TWIST1: variants seen among roughly 807,000 people sequenced by gnomAD.
TWIST1 encodes the protein twist family bHLH transcription factor 1, also known as twist-related protein 1.
Under a neutral mutation model 12.9 loss-of-function variants are expected in TWIST1, and 8 were observed. That is an observed-to-expected ratio of 0.62 (90% CI 0.37 to 1.12). The LOEUF (loss-of-function observed/expected upper bound fraction) is 1.12, where lower values mean the gene tolerates loss of function less well. Among genes scored for constraint, TWIST1 ranks in the 50% most tolerant of loss-of-function variants. TWIST1 has a pLI of 0.02. For synonymous variants in TWIST1, 169 were observed against 138.7 expected, an observed-to-expected ratio of 1.22 and a Z score of -1.54; for missense variants, 268 against 299.7, an observed-to-expected ratio of 0.89 and a Z score of 0.78.
chr7:19,116,372 G>C lies in TWIST1; in HGVS notation c.*43-241C>G, dbSNP rs983187688. On this transcript the variant is annotated intron_variant, in intron 1 of 1. Transcript: ENST00000242261. Reference sequence around the variant, plus strand: ...ATTGAAAGCCGAAAGAAAGGGTGGCGCTGACAAAACGGTCCTTACCCGTGA... The same window carrying C: ...ATTGAAAGCCGAAAGAAAGGGTGGCCCTGACAAAACGGTCCTTACCCGTGA... Among the ~76,000 whole-genome samples, 3 of 152,194 alleles carry C rather than the reference G, an allele frequency of 2.0e-5. No homozygotes were observed. In the South Asian group the frequency reaches 6.2e-4, roughly 32 times the overall value.
In TWIST1 at chr7:19,117,273, G is replaced by A; in HGVS notation, c.49C>T (p.Leu17=). The A allele has an allele frequency of 8.8e-6, 13 of 1,475,270 alleles. No individual in the cohort carries two copies. The highest frequency in any genetic ancestry group is 1.2e-5 in the Non-Finnish European group (13 of 1,117,044). 91.4% of individuals were successfully genotyped at this position (1,475,270 alleles called of 1,614,324 possible). A position where few individuals can be genotyped will look rare whatever the true frequency, so the allele number is the denominator to read the frequency against. The change falls in exon 1 of 2, where the codon CTG becomes TTG. Residue 17 remains leucine (L), a synonymous_variant. Transcript: ENST00000242261. The part of the protein sequence containing the change: ...SSPVSPADDS[L]SNSEEEPDRQ... ...TCTGGCTCTTCCTCGCTGTTGCTCA[G>A]GCTGTCGTCGGCCGGCGAGACTGGC...
At position 19,117,036 on chromosome 7, in the gene TWIST1, C is replaced by T. The variant is rs771482968; in HGVS notation, c.286G>A (p.Gly96Ser). The T allele has an allele frequency of 6.1e-6, 9 of 1,477,344 alleles. No homozygotes were observed. The South Asian group carries it at 8.3e-5, about 14-fold the overall frequency. The allele number at this position is 1,477,344 out of a possible 1,614,324, so 91.5% of individuals were successfully genotyped here. Reference protein sequence around the residue: ...GAGGGGGSSSGGGSPQSYEEL... With the variant: ...GAGGGGGSSSSGGSPQSYEEL... ...TCGTAAGACTGCGGACTCCCGCCGC[C>T]GCTGCTGCTGCCGCCGCCGCCGCCC... The change falls in exon 1 of 2, where the codon GGC (glycine) becomes AGC (serine). Residue 96 changes from glycine to serine, a missense_variant. Physicochemically the swap from Gly to Ser is moderately conservative, Grantham distance 56. Transcript: ENST00000242261.
Position 19,117,115 on chromosome 7 carries a change from C to A in TWIST1, c.207G>T (p.Pro69=), listed in dbSNP as rs770204083. The A allele has an allele frequency of 8.5e-7, 1 of 1,176,360 alleles. No homozygotes were observed. The allele number at this position is 1,176,360 out of a possible 1,614,324, so 72.9% of individuals were successfully genotyped here. A position where few individuals can be genotyped will look rare whatever the true frequency, so the allele number is the denominator to read the frequency against. ...ACTTCTTGCCGCGCTTGCCCTGGGC[C>A]GGGCTGCCCGGCTCGTCGCCGCCTC... ...GVGGGDEPGS[P]AQGKRGKKSA... Residue 69 remains proline (P), a synonymous_variant, in exon 1 of 2, where the codon CCG becomes CCT. Coordinates refer to ENST00000242261, the MANE Select transcript of TWIST1 (RefSeq NM_000474.4).
At chr7:19,114,323 A>G (rs550021426), downstream of TWIST1, 7 of 152,346 alleles carry the variant, frequency 4.6e-5, no homozygotes, top group African/African-American at 1.7e-4. Context: ...AGAAGAAAAC[A>G]AAAACCTTCA....
chr7:19,116,962 G>T lies in TWIST1; in HGVS notation c.360C>A (p.Arg120=), dbSNP rs1319125919. 6.2e-7 allele frequency: 1 copy of T among 1,613,396 alleles called. No homozygotes were observed. Among genetic ancestry groups the T allele is most frequent in the Non-Finnish European group, 8.5e-7 (1 of 1,179,894 alleles). ...RVMANVRERQ[R]TQSLNEAFAA... is the part of the protein sequence containing the mutation. ...CGAACGCCTCGTTCAGCGACTGGGT[G>T]CGCTGGCGCTCCCGCACGTTGGCCA... The change falls in exon 1 of 2, where the codon CGC becomes CGA. Residue 120 remains arginine, a synonymous_variant. Transcript: ENST00000242261.
At chr7:19,115,074 T>G (rs1438417182), downstream of TWIST1, among the ~76,000 whole-genome samples, 1 of 152,172 alleles carries the variant, frequency 6.6e-6, no homozygotes, top group Non-Finnish European at 1.5e-5. Flanking sequence ...AACCTGTTAT[T>G]TAGGAATCTT....
rs1788552052 is a variant in TWIST1 at position 19,115,811 on chromosome 7, C to T, written c.*363G>A. On this transcript the variant is annotated 3_prime_UTR_variant, in exon 2 of 2. Coordinates refer to ENST00000242261, the MANE Select transcript of TWIST1 (RefSeq NM_000474.4). ...CCTTTCAGTGGCTGATTGGCACGAC[C>T]TCTTGAGAATGCATGCATGAAAAAA... 1 of 149,486 alleles carries T rather than the reference C, an allele frequency of 6.7e-6. No individual in the cohort carries two copies. The highest frequency in any genetic ancestry group is 2.1e-4 in the South Asian group (1 of 4,724). 9.3% of individuals were successfully genotyped at this position (149,486 alleles called of 1,614,324 possible).
chr7:19,117,369 G>A lies in TWIST1; in HGVS notation c.-48C>T, dbSNP rs1404809509. On this transcript the variant is annotated 5_prime_UTR_variant, in exon 1 of 2. Transcript: ENST00000242261. ...CTCGCGGGCCCGGGGCAGAGGAGAA[G>A]AGCGGGGCGCCTCAGCCCGCCAGCT... 4 of 1,382,582 alleles carry A rather than the reference G, an allele frequency of 2.9e-6. No homozygotes were observed. The highest frequency in any genetic ancestry group is 2.7e-5 in the Admixed American group (1 of 37,478). 85.6% of individuals were successfully genotyped at this position (1,382,582 alleles called of 1,614,324 possible).
At position 19,117,136 on chromosome 7, in the gene TWIST1, G is replaced by A. The variant is rs1330674991; in HGVS notation, c.186C>T (p.Gly62=). Residue 62 remains glycine, a synonymous_variant, in exon 1 of 2, where the codon GGC becomes GGT. Coordinates refer to ENST00000242261, the MANE Select transcript of TWIST1 (RefSeq NM_000474.4). ...GGGCCGGGCTGCCCGGCTCGTCGCC[G>A]CCTCCGACGCCCCCACCCGCGGCTC... ...PGGAAGGGVG[G]GDEPGSPAQG... 1.8e-6 allele frequency: 2 copies of A among 1,096,752 alleles called. No homozygotes were observed. The highest frequency in any genetic ancestry group is 2.2e-6 in the Non-Finnish European group (2 of 902,440). The allele number at this position is 1,096,752 out of a possible 1,614,324, so 67.9% of individuals were successfully genotyped here. A position where few individuals can be genotyped will look rare whatever the true frequency, so the allele number is the denominator to read the frequency against.
At chr7:19,113,171 G>GTAAAAAAATTACTGCTTTCT (rs1788504309), downstream of TWIST1, 2 of 152,078 alleles carry the variant, frequency 1.3e-5, no homozygotes, top group South Asian at 4.1e-4. Flanking sequence ...GTGCATATGG[G>GTAAAAAAATTACTGCTTTCT]TAAAAAAATT....
At chr7:19,113,550 C>T (rs1232457166), downstream of TWIST1, 1 of 152,104 alleles carries the variant, frequency 6.6e-6, no homozygotes, top group African/African-American at 2.4e-5. Context: ...CTTGTGTATA[C>T]AGGGGTAGGG....
intron 1 of TWIST1, 93 bp downstream of exon 1, chr7:19,116,578 G>A: frequency 2.0e-6 from 2 of 1,003,324 alleles, no homozygotes; most frequent in South Asian, 3.1e-5. Context: ...GAGTGGGAGA[G>A]GGGAGGAAAT....
At position 19,116,696 on chromosome 7, in the gene TWIST1, G is replaced by A; in HGVS notation, c.*17C>T. On this transcript the variant is annotated 3_prime_UTR_variant, in exon 1 of 2. Transcript: ENST00000242261. ...CTAGGTCTCCGGCCCTGCTGAGGGG[G>A]TGGGGGGCTCCGCCTGCTAGTGGGA... 1 of 1,590,118 alleles carries A rather than the reference G, an allele frequency of 6.3e-7. No individual in the cohort carries two copies. Among genetic ancestry groups the A allele is most frequent in the Non-Finnish European group, 8.6e-7 (1 of 1,169,288 alleles).
chr7:19,117,055 G>C lies in TWIST1; in HGVS notation c.267C>G (p.Gly89=). ...AGCGGGGGAG[G]GGGSSSGGGS... is the part of the protein sequence containing the mutation. ...CGCCGCCGCTGCTGCTGCCGCCGCC[G>C]CCGCCCGCGCCGCCGCCGCCGCCAC... is the stretch of plus-strand genomic sequence containing the variant. Residue 89 remains glycine, a synonymous_variant, in exon 1 of 2, where the codon GGC becomes GGG. Transcript: ENST00000242261. 1.4e-6 allele frequency: 2 copies of C among 1,405,816 alleles called. No homozygotes were observed. Among genetic ancestry groups the C allele is most frequent in the Non-Finnish European group, 1.8e-6 (2 of 1,090,146 alleles). The allele number at this position is 1,405,816 out of a possible 1,614,324, so 87.1% of individuals were successfully genotyped here. A position where few individuals can be genotyped will look rare whatever the true frequency, so the allele number is the denominator to read the frequency against.
rs1159296444 is a variant in TWIST1 at position 19,115,850 on chromosome 7, C to T, written c.*324G>A. On this transcript the variant is annotated 3_prime_UTR_variant, in exon 2 of 2. Transcript: ENST00000242261. Reference sequence around the variant, plus strand: ...TGCATGAAAAAAATAAAAATAAAAACATTCTTCGTCAAAAAAAAAAAAAAA... The same window carrying T: ...TGCATGAAAAAAATAAAAATAAAAATATTCTTCGTCAAAAAAAAAAAAAAA... 1.8e-5 allele frequency: 2 copies of T among 111,434 alleles called. No homozygotes were observed. The highest frequency in any genetic ancestry group is 3.6e-5 in the Non-Finnish European group (2 of 55,948). 6.9% of individuals were successfully genotyped at this position (111,434 alleles called of 1,614,324 possible).
rs1484332948 is a variant in TWIST1, at chr7:19,117,233, G to C, written c.89C>G (p.Pro30Arg). Residue 30 changes from proline to arginine, a missense_variant, in exon 1 of 2, where the codon CCG becomes CGG. This residue lies in a region of TWIST1 where 189 missense variants were observed against 172.1 expected (regional missense o/e 1.10). Transcript: ENST00000242261. ...SEEEPDRQQPPSGKRGGRKRR... is the reference protein window; with the variant it reads ...SEEEPDRQQPRSGKRGGRKRR... ...CTTGCGTCCCCCGCGCTTGCCGCTC[G>C]GCGGCTGCTGCCGGTCTGGCTCTTC... is the stretch of plus-strand genomic sequence containing the variant. 1 of 1,419,134 alleles carries C rather than the reference G, an allele frequency of 7.0e-7. No homozygotes were observed. The highest frequency in any genetic ancestry group is 9.2e-7 in the Non-Finnish European group (1 of 1,083,610). 87.9% of individuals were successfully genotyped at this position (1,419,134 alleles called of 1,614,324 possible). A position where few individuals can be genotyped will look rare whatever the true frequency, so the allele number is the denominator to read the frequency against.
At chr7:19,114,995 T>A (rs138498449), downstream of TWIST1, among the ~76,000 whole-genome samples, 1 of 152,368 alleles carries the variant, frequency 6.6e-6, no homozygotes, top group African/African-American at 2.4e-5. Flanking sequence ...TTATTTTCTA[T>A]GCATTTCTGG....
At position 19,117,579 on chromosome 7, in the gene TWIST1, C is replaced by T. The variant is rs1440545593; in HGVS notation, c.-258G>A. ...GCGCCCAACGGCTGGACGCACACCCCGCCAGGCCTCCTGGAAACGGTGCCG... is the reference window on the plus strand; with the variant it reads ...GCGCCCAACGGCTGGACGCACACCCTGCCAGGCCTCCTGGAAACGGTGCCG... On this transcript the variant is annotated 5_prime_UTR_variant, in exon 1 of 2. Transcript: ENST00000242261. The T allele has an allele frequency of 1.8e-6, 2 of 1,107,276 alleles. No homozygotes were observed. Among genetic ancestry groups the T allele is most frequent in the East Asian group, 6.1e-5 (1 of 16,518 alleles). The allele number at this position is 1,107,276 out of a possible 1,614,324, so 68.6% of individuals were successfully genotyped here.
chr7:19,115,135 G>A (rs1788539750), downstream of TWIST1, among the ~76,000 whole-genome samples: 1 of 152,102 alleles, frequency 6.6e-6, no homozygotes, highest in African/African-American at 2.4e-5. Flanking sequence ...GAATAGTGCA[G>A]GTTTTATACT....
Sources: gnomAD v4.1 joint callset for allele counts (sites outside exome capture counted in the v4.1 genomes callset) on GRCh38, gnomAD v4.1.1 for gene constraint, gnomAD v4.1.1 regional missense constraint, MANE v1.5 for transcripts, NCBI Gene and HGNC (gene_info 2026-07-23, HGNC 2026-07-21) for gene names.